KALRN: variants seen among roughly 807,000 people sequenced by gnomAD.
The protein encoded by KALRN is kalirin RhoGEF kinase.
A neutral mutation model predicts 353.7 loss-of-function variants in KALRN; 70 were observed. The observed-to-expected ratio is 0.20, with a 90% CI of 0.16 to 0.24. The LOEUF (loss-of-function observed/expected upper bound fraction) is 0.24, where lower values mean the gene tolerates loss of function less well. Among genes scored for constraint, KALRN ranks in the 10% least tolerant of loss-of-function variants. KALRN has a pLI of 1.00. For missense variants in KALRN, 2,791 were observed against 3,756.7 expected, an observed-to-expected ratio of 0.74 and a Z score of 6.72; for synonymous variants, 1,391 against 1,434.8, an observed-to-expected ratio of 0.97 and a Z score of 0.69.
At position 124,674,567 on chromosome 3, in the gene KALRN, G is replaced by T. The variant is rs761896000; in HGVS notation, c.7146G>T (p.Ala2382=). ...GCTGGGTCCCAGGCAGCATCCTGGCGCCCCTCACCAAAGCCACAGCAGCAG... is the reference window on the plus strand; with the variant it reads ...GCTGGGTCCCAGGCAGCATCCTGGCTCCCCTCACCAAAGCCACAGCAGCAG... ...AEGWVPGSIL[A]PLTKATAAES... The change falls in exon 49 of 60, where the codon GCG becomes GCT. Residue 2382 remains alanine, a synonymous_variant. Transcript: ENST00000682506. 3.1e-6 allele frequency: 5 copies of T among 1,608,466 alleles called. No individual in the cohort carries two copies. Among genetic ancestry groups the T allele is most frequent in the Non-Finnish European group, 4.2e-6 (5 of 1,177,030 alleles).
chr3:124,344,757 T>C (rs1334454405), intron 9 of KALRN, among the ~76,000 whole-genome samples: 1 of 152,194 alleles, frequency 6.6e-6, no homozygotes, highest in Non-Finnish European at 1.5e-5. Flanking sequence ...ATCAAAGTTA[T>C]GTTAAAGTGA....
At chr3:124,477,737 G>A (rs959022552) in intron 27 of KALRN, among the ~76,000 whole-genome samples, 2 of 152,054 alleles carry the variant, frequency 1.3e-5, no homozygotes, top group African/African-American at 2.4e-5. Context: ...AATCTCTTGC[G>A]GGGAGCCCAA....
chr3:124,652,486 G>A (rs2083521036), intron 38 of KALRN, among the ~76,000 whole-genome samples: 1 of 152,240 alleles, frequency 6.6e-6, no homozygotes, highest in South Asian at 2.1e-4. Context: ...GGCCAAGTTG[G>A]AGCTGATGTC....
chr3:124,060,079 G>T (rs994609981), intron 1 of KALRN, among the ~76,000 whole-genome samples: 3 of 152,152 alleles, frequency 2.0e-5, no homozygotes, highest in Non-Finnish European at 2.9e-5. Context: ...GCTTCCAAGT[G>T]GCCTTGATTC....
intron 1 of KALRN, among the ~76,000 whole-genome samples, chr3:124,083,788 C>T (rs540066773): frequency 7.4e-4 from 112 of 152,308 alleles, no homozygotes; most frequent in African/African-American, 2.5e-3. Flanking sequence ...TGCTGTTAGA[C>T]GTGCATGGGC....
At chr3:124,213,418 T>C (rs1401147180) in intron 1 of KALRN, among the ~76,000 whole-genome samples, 2 of 152,170 alleles carry the variant, frequency 1.3e-5, no homozygotes, top group African/African-American at 4.8e-5. Context: ...TGTTAATTCT[T>C]GTGTCTGCTC....
chr3:124,584,873 TTTGCTAAGTGCTGCTG>T, intron 34 of KALRN: 1 of 1,606,882 alleles, frequency 6.2e-7, no homozygotes, highest in South Asian at 1.1e-5. Flanking sequence ...GGGGTGGCTC[TTTGCTAAGTGCTGCTG>T]TTGCTTCCCG....
intron 51 of KALRN, among the ~76,000 whole-genome samples, chr3:124,681,016 G>T (rs1259894437): frequency 6.6e-6 from 1 of 152,188 alleles, no homozygotes; most frequent in East Asian, 1.9e-4. Flanking sequence ...AGTATTGCCA[G>T]CATGTATTAT....
At chr3:124,665,838 A>G (rs1298144343) in intron 45 of KALRN, among the ~76,000 whole-genome samples, 1 of 152,260 alleles carries the variant, frequency 6.6e-6, no homozygotes, top group Non-Finnish European at 1.5e-5. Flanking sequence ...ACCTATCTAT[A>G]GTACCCCCAA....
intron 15 of KALRN, among the ~76,000 whole-genome samples, chr3:124,429,747 A>T (rs1037976373): frequency 3.3e-5 from 5 of 152,328 alleles, no homozygotes; most frequent in African/African-American, 9.6e-5. Context: ...AGTGATTGTT[A>T]ACATCACATA....
At chr3:124,718,771 A>C (rs563375585) in intron 59 of KALRN, among the ~76,000 whole-genome samples, 154 bp from the exon 60 acceptor site, 6 of 152,276 alleles carry the variant, frequency 3.9e-5, no homozygotes, top group Non-Finnish European at 7.3e-5. Flanking sequence ...GAAGTATCCT[A>C]TGCAGTTTCC....
intron 37 of KALRN, among the ~76,000 whole-genome samples, chr3:124,648,460 A>G (rs535379995): frequency 1.3e-5 from 2 of 152,344 alleles, no homozygotes; most frequent in Admixed American, 6.5e-5. Context: ...TGGATGCTCC[A>G]TGGGAGTGCC....
chr3:124,426,254 C>T (rs1444865850), intron 15 of KALRN, among the ~76,000 whole-genome samples: 2 of 152,038 alleles, frequency 1.3e-5, no homozygotes, highest in Non-Finnish European at 2.9e-5. Flanking sequence ...GCTGTTGACT[C>T]TTGGAAAAAG....
At chr3:124,395,427 T>C (rs1329661452) in intron 12 of KALRN, 84 bp downstream of exon 12, 2 of 1,198,408 alleles carry the variant, frequency 1.7e-6, no homozygotes, top group Non-Finnish European at 2.4e-6. Flanking sequence ...CTCAGCAAAA[T>C]CTTGCTTTGT....
Position 124,146,216 on chromosome 3 carries a change from G to C in KALRN, c.74-81774G>C, listed in dbSNP as rs2067302621. Among the ~76,000 whole-genome samples, 4 of 152,188 alleles carry C rather than the reference G, an allele frequency of 2.6e-5. No individual in the cohort carries two copies. In the South Asian group the frequency reaches 8.3e-4, roughly 32 times the overall value. ...AGGTAATGGAGAAGTGCTCCCTAAAGTGTGGTCCATGGAACTGCTCTGCCA... is the reference window on the plus strand; with the variant it reads ...AGGTAATGGAGAAGTGCTCCCTAAACTGTGGTCCATGGAACTGCTCTGCCA... On this transcript the variant is annotated intron_variant, in intron 1 of 59. Transcript: ENST00000682506.
At chr3:124,577,510 A>G (rs1260691424) in intron 34 of KALRN, among the ~76,000 whole-genome samples, 2 of 152,202 alleles carry the variant, frequency 1.3e-5, no homozygotes, top group African/African-American at 2.4e-5. Context: ...TGGCAAGCAC[A>G]CTTTTTCTGT....
chr3:124,133,574 CTG>C (rs1313523161), intron 1 of KALRN, among the ~76,000 whole-genome samples: 1 of 152,224 alleles, frequency 6.6e-6, no homozygotes, highest in Non-Finnish European at 1.5e-5. Context: ...AGGGCACTGC[CTG>C]TGATTGCAGA....
At chr3:124,295,637 C>A (rs187007252) in intron 5 of KALRN, among the ~76,000 whole-genome samples, 3 of 152,256 alleles carry the variant, frequency 2.0e-5, no homozygotes, top group Non-Finnish European at 4.4e-5. Context: ...GGTCACTAAT[C>A]GGCCACTGAA....
At position 124,411,800 on chromosome 3, in the gene KALRN, G is replaced by A. The variant is rs575573561; in HGVS notation, c.2347-1670G>A. Reference sequence around the variant, plus strand: ...GCCTCATCAGTCTAACCCCTTTCTTGAGTTAGAGAATGAAGTACTTTTCAA... The same window carrying A: ...GCCTCATCAGTCTAACCCCTTTCTTAAGTTAGAGAATGAAGTACTTTTCAA... On this transcript the variant is annotated intron_variant, in intron 13 of 59. Transcript: ENST00000682506. 3.3e-4 allele frequency among the ~76,000 whole-genome samples: 50 copies of A among 152,100 alleles called. 1 individual carries two copies. The highest frequency in any genetic ancestry group is 1.2e-3 in the Admixed American group (18 of 15,282).
Sources: gnomAD v4.1 joint callset for allele counts (sites outside exome capture counted in the v4.1 genomes callset) on GRCh38, gnomAD v4.1.1 for gene constraint, MANE v1.5 for transcripts, NCBI Gene and HGNC (gene_info 2026-07-23, HGNC 2026-07-21) for gene names.